The following GTF2H1 variants were observed in gnomAD, a reference collection of about 807,000 sequenced individuals.
GTF2H1 encodes general transcription factor IIH subunit 1, also known as BTF2 p62.
Under a neutral mutation model 71.2 loss-of-function variants are expected in GTF2H1, and 16 were observed. The observed-to-expected ratio is 0.22, with a 90% CI of 0.15 to 0.34. The LOEUF is 0.34. GTF2H1 is among the 10% of genes least tolerant of loss of function. GTF2H1 has a pLI of 1.00. For missense variants in GTF2H1, 498 were observed against 648.2 expected (o/e 0.77, Z 2.52); for synonymous variants, 215 against 219.0 (o/e 0.98, Z 0.16).
intron 1 of GTF2H1, among the ~76,000 whole-genome samples, chr11:18,325,110 T>C (rs770593088): frequency 6.6e-6 from 1 of 152,226 alleles, no homozygotes; most frequent in Non-Finnish European, 1.5e-5. Context: ...ATAACAGTGC[T>C]CTCTAGTAAT....
chr11:18,353,182 G>T (rs1287087782), intron 11 of GTF2H1, among the ~76,000 whole-genome samples: 1 of 152,224 alleles, frequency 6.6e-6, no homozygotes, highest in East Asian at 1.9e-4. Flanking sequence ...CTGACACCGC[G>T]CCATTGCACT....
intron 7 of GTF2H1, among the ~76,000 whole-genome samples, chr11:18,344,500 T>C (rs746835605): frequency 9.3e-5 from 14 of 151,350 alleles, no homozygotes; most frequent in Non-Finnish European, 2.1e-4. Context: ...ATGCCTGTAA[T>C]TCCAGCTACC....
At chr11:18,365,680 G>A in intron 14 of GTF2H1, 103 bp from the exon 15 acceptor site, 2 of 744,546 alleles carry the variant, frequency 2.7e-6, no homozygotes. Flanking sequence ...GAAATACAGA[G>A]GAGCTCCGAA....
intron 1 of GTF2H1, among the ~76,000 whole-genome samples, chr11:18,327,451 G>A (rs1864793310): frequency 6.6e-6 from 1 of 152,170 alleles, no homozygotes; most frequent in African/African-American, 2.4e-5. Context: ...CTACTTCCCT[G>A]ATGGTTTAAG....
At chr11:18,323,495 G>C (rs890727602) in intron 1 of GTF2H1, among the ~76,000 whole-genome samples, 2 of 151,970 alleles carry the variant, frequency 1.3e-5, no homozygotes, top group Non-Finnish European at 2.9e-5. Context: ...CAGTAAAATG[G>C]GGATGGGGAA....
intron 3 of GTF2H1, among the ~76,000 whole-genome samples, chr11:18,336,800 G>T (rs1865039043): frequency 6.6e-6 from 1 of 151,288 alleles, no homozygotes; most frequent in African/African-American, 2.4e-5. Flanking sequence ...TGTTGCCCAG[G>T]CTGGAGTGCA....
intron 1 of GTF2H1, among the ~76,000 whole-genome samples, chr11:18,323,399 C>T (rs917171630): frequency 6.6e-6 from 1 of 151,914 alleles, no homozygotes; most frequent in African/African-American, 2.4e-5. Flanking sequence ...TGGGCTCAAG[C>T]GATTCTCCTG....
intron 11 of GTF2H1, among the ~76,000 whole-genome samples, chr11:18,356,791 T>G (rs1247813299): frequency 6.8e-6 from 1 of 146,728 alleles, no homozygotes; most frequent in Non-Finnish European, 1.5e-5. Flanking sequence ...ATCTTTGTTT[T>G]TTTTTTTTTT....
intron 1 of GTF2H1, among the ~76,000 whole-genome samples, chr11:18,329,647 T>TA (rs929544410): frequency 6.6e-6 from 1 of 152,246 alleles, no homozygotes; most frequent in African/African-American, 2.4e-5. Flanking sequence ...CCTCATATCC[T>TA]ACTGATCTCA....
chr11:18,345,018 CTTTTTTT>C (rs11345271), intron 7 of GTF2H1, among the ~76,000 whole-genome samples: 1 of 147,112 alleles, frequency 6.8e-6, no homozygotes, highest in Non-Finnish European at 1.5e-5. Flanking sequence ...CATCTCTAAA[CTTTTTTT>C]TTTTTTAATT....
intron 1 of GTF2H1, among the ~76,000 whole-genome samples, chr11:18,324,711 C>T (rs1416178290): frequency 1.3e-5 from 2 of 151,766 alleles, no homozygotes; most frequent in Non-Finnish European, 2.9e-5. Flanking sequence ...GTGGCAGTAT[C>T]AGCCATTGAC....
At chr11:18,348,135 T>C in intron 9 of GTF2H1, 2 of 583,288 alleles carry the variant, frequency 3.4e-6, no homozygotes, top group Non-Finnish European at 3.0e-6. Context: ...CCATTTTTAT[T>C]GTTTTTTGTT....
intron 11 of GTF2H1, among the ~76,000 whole-genome samples, chr11:18,356,888 T>C (rs539954700): frequency 1.3e-5 from 2 of 149,552 alleles, no homozygotes; most frequent in South Asian, 4.2e-4. Context: ...TTCCCCAGGC[T>C]CAAATGATCT....
chr11:18,358,771 T>A, intron 13 of GTF2H1, 131 bp downstream of exon 13: 1 of 616,022 alleles, frequency 1.6e-6, no homozygotes, highest in South Asian at 2.0e-5. Context: ...CATCGTTTCA[T>A]GTAAACCTCA....
chr11:18,343,994 A>G (rs4150619), intron 7 of GTF2H1, among the ~76,000 whole-genome samples: 11 of 151,694 alleles, frequency 7.3e-5, no homozygotes, highest in Non-Finnish European at 1.2e-4. Context: ...ACACCTGGCT[A>G]ATTTTATTTT....
At chr11:18,346,853 A>C (rs2133974594) in intron 7 of GTF2H1, among the ~76,000 whole-genome samples, 1 of 141,678 alleles carries the variant, frequency 7.1e-6, no homozygotes, top group East Asian at 2.1e-4. Flanking sequence ...CTCCTGCCTC[A>C]CTCAGCCTCC....
chr11:18,342,745 T>C (rs1036422823), intron 7 of GTF2H1, among the ~76,000 whole-genome samples: 2 of 152,212 alleles, frequency 1.3e-5, no homozygotes, highest in African/African-American at 4.8e-5. Flanking sequence ...TTTTTTTCTT[T>C]AAAATAAACA....
chr11:18,324,702 T>C (rs1483074674), intron 1 of GTF2H1, among the ~76,000 whole-genome samples: 1 of 152,240 alleles, frequency 6.6e-6, no homozygotes, highest in Non-Finnish European at 1.5e-5. Context: ...GCCTTCAGTG[T>C]GGCAGTATCA....
chr11:18,326,874 A>G (rs915055098), intron 1 of GTF2H1, among the ~76,000 whole-genome samples: 1 of 152,210 alleles, frequency 6.6e-6, no homozygotes, highest in African/African-American at 2.4e-5. Context: ...CTTAAAACAT[A>G]TGTTTCCTAA....
Sources: allele counts gnomAD v4.1 joint callset (sites outside exome capture counted in the v4.1 genomes callset), GRCh38; gene constraint gnomAD v4.1.1; transcripts MANE v1.5; gene names NCBI Gene and HGNC (gene_info 2026-07-23, HGNC 2026-07-21).